Variants in FARS2 observed in about 807,000 individuals in gnomAD.
The protein encoded by FARS2 is phenylalanine--tRNA ligase, mitochondrial.
FARS2 carries 40 observed loss-of-function variants against 46.4 expected under a neutral mutation model. The observed-to-expected ratio is 0.86, with a 90% CI of 0.67 to 1.12. FARS2 has a LOEUF of 1.12. FARS2 is among the 50% of genes most tolerant of loss of function. FARS2 has a pLI of 0.00. For missense variants in FARS2, 513 were observed against 567.9 expected, an observed-to-expected ratio of 0.90 and a Z score of 0.98; for synonymous variants, 234 against 214.9, an observed-to-expected ratio of 1.09 and a Z score of -0.78.
At chr6:5,768,487 A>G (rs1413720258) in intron 6 of FARS2, among the ~76,000 whole-genome samples, 3 of 152,202 alleles carry the variant, frequency 2.0e-5, no homozygotes, top group African/African-American at 7.2e-5. Flanking sequence ...CTCTTCTGCT[A>G]GGAGGGACCA....
intron 4 of FARS2, among the ~76,000 whole-genome samples, chr6:5,523,828 G>C (rs1769297210): frequency 6.6e-6 from 1 of 152,196 alleles, no homozygotes; most frequent in Non-Finnish European, 1.5e-5. Flanking sequence ...TTAGTCTCTA[G>C]GTCCCTCAAA....
intron 3 of FARS2, among the ~76,000 whole-genome samples, chr6:5,405,783 C>T (rs1323761343): frequency 2.6e-5 from 4 of 151,882 alleles, no homozygotes; most frequent in Admixed American, 6.5e-5. Context: ...TGATCCACGG[C>T]GCCCGGCCCA....
chr6:5,324,443 CTTTTTTTTTTTTT>C (rs745311767), intron 1 of FARS2, among the ~76,000 whole-genome samples: 1 of 88,262 alleles, frequency 1.1e-5, no homozygotes, highest in South Asian at 3.7e-4. Context: ...AGACTATTTG[CTTTTTTTTTTTTT>C]TTTTTTTTTT....
At chr6:5,536,240 G>C (rs1770189676) in intron 4 of FARS2, among the ~76,000 whole-genome samples, 1 of 152,006 alleles carries the variant, frequency 6.6e-6, no homozygotes, top group Admixed American at 6.6e-5. Context: ...AGTAGAGATG[G>C]AGTTTCACTG....
chr6:5,375,960 T>C (rs571637709), intron 2 of FARS2, among the ~76,000 whole-genome samples: 1 of 152,292 alleles, frequency 6.6e-6, no homozygotes, highest in South Asian at 2.1e-4. Flanking sequence ...GGGAAAAAAG[T>C]GCTAAAGTTG....
At chr6:5,569,913 CAG>C (rs1404718231) in intron 5 of FARS2, among the ~76,000 whole-genome samples, 1 of 152,042 alleles carries the variant, frequency 6.6e-6, no homozygotes, top group Non-Finnish European at 1.5e-5. Flanking sequence ...ACTGCATTAA[CAG>C]GGGTTGGGGA....
upstream of FARS2, chr6:5,261,044 A>C (rs893282554): frequency 1.9e-5 from 16 of 825,792 alleles, no homozygotes; most frequent in Admixed American, 3.4e-4. Context: ...CAGCCGCTCC[A>C]CGCGGCGGGA....
At chr6:5,296,807 G>A (rs1026965646) in intron 1 of FARS2, among the ~76,000 whole-genome samples, 2 of 152,116 alleles carry the variant, frequency 1.3e-5, no homozygotes, top group Non-Finnish European at 2.9e-5. Context: ...AGCACACTGT[G>A]TTTCTCCATT....
intron 1 of FARS2, among the ~76,000 whole-genome samples, chr6:5,337,364 G>T (rs1268421055): frequency 6.6e-6 from 1 of 151,950 alleles, no homozygotes; most frequent in African/African-American, 2.4e-5. Context: ...TTCACAAGTC[G>T]TTCCCCTTAT....
intron 4 of FARS2, among the ~76,000 whole-genome samples, chr6:5,495,698 CT>C (rs1254995223): frequency 6.6e-6 from 1 of 152,156 alleles, no homozygotes; most frequent in Non-Finnish European, 1.5e-5. Context: ...ACCAGTAATA[CT>C]GAGGTGGTAG....
At chr6:5,405,480 C>CTTT (rs398000284) in intron 3 of FARS2, among the ~76,000 whole-genome samples, 904 of 58,944 alleles carry the variant, frequency 0.015, 131 homozygotes, top group African/African-American at 0.045. Context: ...GAGCAAGGTT[C>CTTT]TTTTTTTTTT....
At chr6:5,511,681 C>T (rs919231345) in intron 4 of FARS2, among the ~76,000 whole-genome samples, 18 of 152,316 alleles carry the variant, frequency 1.2e-4, no homozygotes, top group African/African-American at 2.6e-4. Flanking sequence ...AGGGTCATTT[C>T]GTAGACCTGT....
rs927707460 is a variant in FARS2 at position 5,637,937 on chromosome 6, C to T, written c.1217+24617C>T. Among the ~76,000 whole-genome samples the T allele has an allele frequency of 2.0e-5, 3 of 152,294 alleles. No homozygotes were observed. In the East Asian group the frequency reaches 5.8e-4, roughly 29 times the overall value. On this transcript the variant is annotated intron_variant, in intron 6 of 6. Transcript: ENST00000274680. ...AATACAGCCACATTTGAGATACTGG[C>T]AGTTAGGACTGCAACATACGAATTT...
At chr6:5,336,525 G>A (rs1433552977) in intron 1 of FARS2, among the ~76,000 whole-genome samples, 1 of 151,796 alleles carries the variant, frequency 6.6e-6, no homozygotes, top group Non-Finnish European at 1.5e-5. Context: ...AAAATTATGG[G>A]TACATAGTAG....
At chr6:5,692,701 C>T (rs138423393) in intron 6 of FARS2, among the ~76,000 whole-genome samples, 110 of 152,192 alleles carry the variant, frequency 7.2e-4, no homozygotes, top group Non-Finnish European at 1.1e-3. Flanking sequence ...GTATAAAAAT[C>T]GATAATAGAT....
intron 4 of FARS2, among the ~76,000 whole-genome samples, chr6:5,530,026 A>G (rs919828375): frequency 2.0e-5 from 3 of 152,242 alleles, no homozygotes; most frequent in Non-Finnish European, 4.4e-5. Flanking sequence ...ACCTAAGTCC[A>G]AAGGGCCAGC....
At chr6:5,726,219 C>A (rs1383281214) in intron 6 of FARS2, among the ~76,000 whole-genome samples, 1 of 151,842 alleles carries the variant, frequency 6.6e-6, no homozygotes, top group Non-Finnish European at 1.5e-5. Flanking sequence ...AGAAGGCCCT[C>A]ATCAGGGGTT....
intron 6 of FARS2, among the ~76,000 whole-genome samples, chr6:5,749,298 C>T (rs1463996954): frequency 6.6e-6 from 1 of 152,370 alleles, no homozygotes; most frequent in African/African-American, 2.4e-5. Flanking sequence ...GACAGGCAGG[C>T]TGGCTAAGCA....
chr6:5,508,777 A>C (rs902710217), intron 4 of FARS2, among the ~76,000 whole-genome samples: 5 of 152,236 alleles, frequency 3.3e-5, no homozygotes, highest in African/African-American at 1.2e-4. Flanking sequence ...AGCCGTACGC[A>C]GGGCGGACTG....
Sources: gnomAD v4.1 joint callset for allele counts (sites outside exome capture counted in the v4.1 genomes callset) on GRCh38, gnomAD v4.1.1 for gene constraint, MANE v1.5 for transcripts, NCBI Gene and HGNC (gene_info 2026-07-23, HGNC 2026-07-21) for gene names.